Variants in EFNA5 observed in about 807,000 individuals in gnomAD.
The protein encoded by EFNA5 is ephrin A5, also known as ephrin-A5.
A neutral mutation model predicts 22.9 loss-of-function variants in EFNA5; 5 were observed. The ratio of observed to expected loss-of-function variants is 0.22; its 90% CI spans 0.11 to 0.46. The LOEUF is 0.46. Ranked by LOEUF, EFNA5 falls within the 20% of genes least tolerant of loss-of-function variation. EFNA5 has a pLI of 0.99. For synonymous variants in EFNA5, 113 were observed against 112.2 expected (o/e 1.01, Z -0.04); for missense variants, 237 against 293.3 (o/e 0.81, Z 1.40).
At chr5:107,632,441 C>G (rs1049525447) in intron 1 of EFNA5, among the ~76,000 whole-genome samples, 3 of 152,050 alleles carry the variant, frequency 2.0e-5, no homozygotes, top group Non-Finnish European at 4.4e-5. Flanking sequence ...AATACTGGAC[C>G]TTTCATCATT....
chr5:107,460,518 A>T (rs1261879912), intron 1 of EFNA5, among the ~76,000 whole-genome samples: 1 of 152,216 alleles, frequency 6.6e-6, no homozygotes, highest in East Asian at 1.9e-4. Context: ...TAGCTGATTT[A>T]TCGAAAACTT....
intron 1 of EFNA5, among the ~76,000 whole-genome samples, chr5:107,482,176 T>C (rs1750485552): frequency 6.6e-6 from 1 of 151,868 alleles, no homozygotes; most frequent in Admixed American, 6.6e-5. Context: ...TGTGGTAGCA[T>C]GCGCCTGTGG....
chr5:107,592,844 G>A (rs777701965), intron 1 of EFNA5, among the ~76,000 whole-genome samples: 100 of 152,252 alleles, frequency 6.6e-4, no homozygotes, highest in Non-Finnish European at 5.7e-4. Context: ...ATGACAAGCC[G>A]GAGAGCCCAC....
chr5:107,476,222 T>G (rs528518333), intron 1 of EFNA5, among the ~76,000 whole-genome samples: 1 of 150,062 alleles, frequency 6.7e-6, no homozygotes, highest in African/African-American at 2.5e-5. Flanking sequence ...CAGCTAATTT[T>G]TTGTGTTTTT....
intron 1 of EFNA5, among the ~76,000 whole-genome samples, chr5:107,629,549 C>T (rs548521811): frequency 3.9e-5 from 6 of 152,222 alleles, no homozygotes; most frequent in African/African-American, 7.2e-5. Context: ...TTGTAACAAA[C>T]GTACCACTGT....
In EFNA5 at chr5:107,396,171, T is replaced by C. The variant is rs147540011; in HGVS notation, c.419-8400A>G. ...TGTGAGCCTTTCAAAACCCCTTTCA[T>C]TATTATTCTCCTTGGTGAGGGCTCT... On this transcript the variant is annotated intron_variant, in intron 2 of 4. Coordinates refer to ENST00000333274, the MANE Select transcript of EFNA5 (RefSeq NM_001962.3). Among the ~76,000 whole-genome samples, 564 of 152,346 alleles carry C rather than the reference T, an allele frequency of 3.7e-3. 3 individuals are homozygous for C. The highest frequency in any genetic ancestry group is 0.013 in the African/African-American group (533 of 41,576).
chr5:107,533,381 T>A (rs1747864143), intron 1 of EFNA5, among the ~76,000 whole-genome samples: 1 of 152,146 alleles, frequency 6.6e-6, no homozygotes, highest in Admixed American at 6.5e-5. Context: ...TTGGGCTTCT[T>A]TCTATCTCCC....
At chr5:107,488,033 G>A (rs1215277425) in intron 1 of EFNA5, among the ~76,000 whole-genome samples, 1 of 152,164 alleles carries the variant, frequency 6.6e-6, no homozygotes, top group Non-Finnish European at 1.5e-5. Flanking sequence ...AGCCTTTAGG[G>A]TCTCTAATAT....
intron 1 of EFNA5, among the ~76,000 whole-genome samples, chr5:107,607,715 G>A (rs1476641982): frequency 6.6e-6 from 1 of 152,160 alleles, no homozygotes. Context: ...GCTGTGAGGA[G>A]TGGAGGGGGA....
intron 1 of EFNA5, among the ~76,000 whole-genome samples, chr5:107,508,610 G>C (rs909030523): frequency 6.6e-6 from 1 of 152,148 alleles, no homozygotes; most frequent in Admixed American, 6.5e-5. Context: ...GGTCAGCCCT[G>C]CCATTTTCAA....
At chr5:107,409,668 T>C (rs922656990) in intron 2 of EFNA5, among the ~76,000 whole-genome samples, 1 of 152,146 alleles carries the variant, frequency 6.6e-6, no homozygotes, top group Non-Finnish European at 1.5e-5. Context: ...ATAAGGAAAA[T>C]TATTTGGGTG....
At chr5:107,539,898 G>T (rs1012262138) in intron 1 of EFNA5, among the ~76,000 whole-genome samples, 8 of 152,184 alleles carry the variant, frequency 5.3e-5, no homozygotes, top group Admixed American at 3.9e-4. Context: ...ACAGCTAGAG[G>T]TCAGAACAGG....
chr5:107,430,649 A>C (rs1182269843), intron 1 of EFNA5, among the ~76,000 whole-genome samples: 1 of 152,054 alleles, frequency 6.6e-6, no homozygotes. Flanking sequence ...CTGAAGACCC[A>C]TTCTACTTTG....
At chr5:107,639,430 C>T (rs773921739) in intron 1 of EFNA5, among the ~76,000 whole-genome samples, 1 of 152,204 alleles carries the variant, frequency 6.6e-6, no homozygotes, top group Non-Finnish European at 1.5e-5. Context: ...ATCCAATAAT[C>T]TCTCAATGCC....
At chr5:107,550,029 A>C (rs1038349736) in intron 1 of EFNA5, among the ~76,000 whole-genome samples, 6 of 152,374 alleles carry the variant, frequency 3.9e-5, no homozygotes, top group Admixed American at 3.3e-4. Flanking sequence ...TTAGGACAGT[A>C]ATCTGTAGTC....
At chr5:107,586,282 T>G (rs1749184811) in intron 1 of EFNA5, among the ~76,000 whole-genome samples, 1 of 152,146 alleles carries the variant, frequency 6.6e-6, no homozygotes, top group Non-Finnish European at 1.5e-5. Flanking sequence ...TATCTAGATC[T>G]CAGGAAAAGT....
chr5:107,427,608 T>C, intron 1 of EFNA5, 99 bp from the exon 2 acceptor site: 1 of 1,116,686 alleles, frequency 9.0e-7, no homozygotes, highest in Non-Finnish European at 1.3e-6. Flanking sequence ...AGCTAAAGCA[T>C]CTAGTATAGT....
At chr5:107,551,954 A>G (rs1748309448) in intron 1 of EFNA5, among the ~76,000 whole-genome samples, 1 of 152,114 alleles carries the variant, frequency 6.6e-6, no homozygotes, top group African/African-American at 2.4e-5. Flanking sequence ...AAAAATCTCC[A>G]CTACTGTCTC....
chr5:107,657,208 C>T (rs550048928), intron 1 of EFNA5, among the ~76,000 whole-genome samples: 1 of 152,138 alleles, frequency 6.6e-6, no homozygotes, highest in African/African-American at 2.4e-5. Flanking sequence ...AACTACTGAG[C>T]ATCTTCTACT....
Sources: allele counts gnomAD v4.1 joint callset (sites outside exome capture counted in the v4.1 genomes callset), GRCh38; gene constraint gnomAD v4.1.1; transcripts MANE v1.5; gene names NCBI Gene and HGNC (gene_info 2026-07-23, HGNC 2026-07-21).